Variants in CHN2 observed in about 807,000 individuals in gnomAD.
The protein encoded by CHN2 is beta-chimaerin.
In CHN2, 35 loss-of-function variants were observed where a neutral mutation model predicts 56.3. The observed-to-expected ratio is 0.62, with a 90% CI of 0.47 to 0.82. The LOEUF (loss-of-function observed/expected upper bound fraction) is 0.82. Ranked by LOEUF, CHN2 falls within the 40% of genes least tolerant of loss-of-function variation. The pLI, the probability that CHN2 is intolerant of heterozygous loss-of-function variation, is 0.00. For synonymous variants in CHN2, 210 were observed against 212.8 expected, an observed-to-expected ratio of 0.99 and a Z score of 0.12; for missense variants, 491 against 580.5, an observed-to-expected ratio of 0.85 and a Z score of 1.58.
chr7:29,451,132 A>G (rs781437287), intron 6 of CHN2, among the ~76,000 whole-genome samples: 6 of 152,130 alleles, frequency 3.9e-5, no homozygotes, highest in Non-Finnish European at 7.4e-5. Flanking sequence ...CCCCACCACC[A>G]CCACATTAAC....
chr7:29,222,627 G>A (rs536369186), intron 1 of CHN2, among the ~76,000 whole-genome samples: 1 of 152,226 alleles, frequency 6.6e-6, no homozygotes, highest in South Asian at 2.1e-4. Context: ...TAAATAAATG[G>A]AGTGATATAA....
chr7:29,456,263 T>C (rs1284534231), intron 6 of CHN2, among the ~76,000 whole-genome samples: 2 of 152,224 alleles, frequency 1.3e-5, no homozygotes. Flanking sequence ...CTGCCTTTAC[T>C]ACAGCCTGTT....
intron 6 of CHN2, among the ~76,000 whole-genome samples, chr7:29,405,627 T>C (rs1420264103): frequency 2.0e-5 from 3 of 152,186 alleles, no homozygotes; most frequent in Non-Finnish European, 2.9e-5. Context: ...GTTTCTACTT[T>C]CTTCCTGCAA....
At chr7:29,319,936 G>A (rs1375170316) in intron 1 of CHN2, among the ~76,000 whole-genome samples, 2 of 152,092 alleles carry the variant, frequency 1.3e-5, no homozygotes, top group Non-Finnish European at 2.9e-5. Flanking sequence ...CTGGCTTTTG[G>A]TTATTTCTGC....
At chr7:29,263,431 G>T (rs1789748180) in intron 1 of CHN2, among the ~76,000 whole-genome samples, 1 of 152,176 alleles carries the variant, frequency 6.6e-6, no homozygotes, top group Non-Finnish European at 1.5e-5. Flanking sequence ...TGAGATTGCA[G>T]CCTCTGCCCG....
chr7:29,149,348 A>G (rs1002108889), intron 2 of CHN2, among the ~76,000 whole-genome samples: 2 of 151,622 alleles, frequency 1.3e-5, no homozygotes, highest in Non-Finnish European at 2.9e-5. Context: ...ACCCGCCACC[A>G]CAGCCAGCTA....
At chr7:29,195,926 G>C (rs1300872910) in intron 1 of CHN2, among the ~76,000 whole-genome samples, 1 of 151,998 alleles carries the variant, frequency 6.6e-6, no homozygotes, top group African/African-American at 2.4e-5. Flanking sequence ...GTACCTCTCT[G>C]GTCATTGAAA....
At chr7:29,322,789 A>T (rs561820518) in intron 1 of CHN2, among the ~76,000 whole-genome samples, 1 of 152,308 alleles carries the variant, frequency 6.6e-6, no homozygotes, top group South Asian at 2.1e-4. Context: ...CGATTTGGGA[A>T]GCACTGTGTA....
chr7:29,192,331 G>C (rs888143540), upstream of CHN2: 2 of 152,096 alleles, frequency 1.3e-5, no homozygotes, highest in Non-Finnish European at 2.9e-5. Context: ...AAAATAATCT[G>C]CCTCACAGAG....
intron 1 of CHN2, among the ~76,000 whole-genome samples, chr7:29,224,924 A>G (rs564533478): frequency 1.3e-5 from 2 of 152,338 alleles, no homozygotes; most frequent in Non-Finnish European, 1.5e-5. Context: ...TGAGTAAAAC[A>G]CATATCATCT....
At chr7:29,172,932 A>T (rs1796796134) in intron 2 of CHN2, among the ~76,000 whole-genome samples, 1 of 152,034 alleles carries the variant, frequency 6.6e-6, no homozygotes, top group African/African-American at 2.4e-5. Context: ...GGAGTTTGAG[A>T]CCAGCGTGGC....
intron 7 of CHN2, among the ~76,000 whole-genome samples, chr7:29,493,456 C>T (rs1229888551): frequency 1.3e-5 from 2 of 151,994 alleles, no homozygotes; most frequent in Non-Finnish European, 2.9e-5. Context: ...AAATTTATAC[C>T]TCTGGTCTTT....
At chr7:29,372,535 T>C (rs1799701933) in intron 3 of CHN2, among the ~76,000 whole-genome samples, 1 of 152,154 alleles carries the variant, frequency 6.6e-6, no homozygotes. Context: ...TAATCATAGA[T>C]ATATCCTTAG....
chr7:29,375,618 ATGTGTTCTGCCATCCTCCTCTAGC>A (rs1227384992), intron 3 of CHN2, among the ~76,000 whole-genome samples: 6 of 152,230 alleles, frequency 3.9e-5, no homozygotes, highest in African/African-American at 1.4e-4. Flanking sequence ...GTGTTACAAC[ATGTGTTCTGCCATCCTCCTCTAGC>A]CTATGACAGC....
intron 1 of CHN2, among the ~76,000 whole-genome samples, chr7:29,211,632 G>A (rs1358956014): frequency 6.6e-6 from 1 of 152,136 alleles, no homozygotes; most frequent in Non-Finnish European, 1.5e-5. Flanking sequence ...CTCTAGAGTG[G>A]TGATGGGCAC....
chr7:29,346,404 A>T (rs962211212), intron 1 of CHN2, among the ~76,000 whole-genome samples: 1 of 152,212 alleles, frequency 6.6e-6, no homozygotes, highest in Non-Finnish European at 1.5e-5. Context: ...CTGAACTGTC[A>T]TCTCATCGTG....
intron 1 of CHN2, among the ~76,000 whole-genome samples, chr7:29,232,149 C>CTTGT (rs1786764297): frequency 1.3e-5 from 2 of 152,092 alleles, no homozygotes; most frequent in South Asian, 4.2e-4. Context: ...TGTAAACAGA[C>CTTGT]TTGTAAACCT....
chr7:29,506,406 G>A (rs989741343), intron 10 of CHN2, among the ~76,000 whole-genome samples: 1 of 152,166 alleles, frequency 6.6e-6, no homozygotes, highest in Non-Finnish European at 1.5e-5. Context: ...GGGAGGCTGA[G>A]ACAGGTGGAT....
chr7:29,237,912 C>T (rs1171288431), intron 1 of CHN2, among the ~76,000 whole-genome samples: 3 of 151,792 alleles, frequency 2.0e-5, no homozygotes, highest in Non-Finnish European at 4.4e-5. Flanking sequence ...GCAGAACTAT[C>T]TTTCCTGCTG....
Sources: allele counts gnomAD v4.1 joint callset (sites outside exome capture counted in the v4.1 genomes callset), GRCh38; gene constraint gnomAD v4.1.1; transcripts MANE v1.5; gene names NCBI Gene and HGNC (gene_info 2026-07-23, HGNC 2026-07-21).